Variants in PKNOX2 observed in about 807,000 individuals in gnomAD.
PKNOX2 encodes the protein homeobox protein PKNOX2.
A neutral mutation model predicts 53.1 loss-of-function variants in PKNOX2; 14 were observed. The ratio of observed to expected loss-of-function variants is 0.26; its 90% CI spans 0.17 to 0.41. PKNOX2 has a LOEUF of 0.41. PKNOX2 is among the 10% of genes least tolerant of loss of function. PKNOX2 has a pLI of 1.00. For synonymous variants in PKNOX2, 257 were observed against 242.8 expected (o/e 1.06, Z -0.54); for missense variants, 496 against 602.8 (o/e 0.82, Z 1.85).
intron 3 of PKNOX2, among the ~76,000 whole-genome samples, chr11:125,339,334 G>A (rs1950568768): frequency 6.6e-6 from 1 of 152,224 alleles, no homozygotes; most frequent in African/African-American, 2.4e-5. Flanking sequence ...ACAGGAAGGG[G>A]CTTCTTTGGC....
At chr11:125,349,226 A>G (rs1434538111) in intron 3 of PKNOX2, among the ~76,000 whole-genome samples, 1 of 151,972 alleles carries the variant, frequency 6.6e-6, no homozygotes. Flanking sequence ...AAAAGTCTAT[A>G]TCTTACCCCA....
chr11:125,322,112 A>T (rs918555796), intron 2 of PKNOX2, among the ~76,000 whole-genome samples: 12 of 152,266 alleles, frequency 7.9e-5, no homozygotes, highest in African/African-American at 2.9e-4. Context: ...CCAGCCCCTG[A>T]CCTGGCGTCC....
chr11:125,222,644 C>CATATGTGTGTGCGTGT (rs1565472865), intron 1 of PKNOX2, among the ~76,000 whole-genome samples: 2 of 129,762 alleles, frequency 1.5e-5, no homozygotes, highest in African/African-American at 6.0e-5. Flanking sequence ...TATGTGTGTG[C>CATATGTGTGTGCGTGT]GTATGTGTGT....
intron 2 of PKNOX2, among the ~76,000 whole-genome samples, chr11:125,273,283 C>G (rs1565485142): frequency 6.6e-6 from 1 of 152,194 alleles, no homozygotes; most frequent in Non-Finnish European, 1.5e-5. Context: ...TGAATGAAGG[C>G]TCAGCAAACA....
chr11:125,178,879 T>C (rs1381900770), intron 1 of PKNOX2, among the ~76,000 whole-genome samples: 1 of 152,108 alleles, frequency 6.6e-6, no homozygotes, highest in Non-Finnish European at 1.5e-5. Context: ...CTCCTGAGCC[T>C]CAGTTCTCTT....
At chr11:125,377,668 G>A (rs1952921696) in intron 5 of PKNOX2, among the ~76,000 whole-genome samples, 1 of 152,162 alleles carries the variant, frequency 6.6e-6, no homozygotes, top group Non-Finnish European at 1.5e-5. Flanking sequence ...CCAATCTTTT[G>A]GCTTCCTTGA....
chr11:125,337,272 T>C (rs1485435420), intron 3 of PKNOX2, among the ~76,000 whole-genome samples: 3 of 152,162 alleles, frequency 2.0e-5, no homozygotes, highest in African/African-American at 7.2e-5. Flanking sequence ...CCCTGTGGTG[T>C]CATGACTGGT....
chr11:125,248,791 G>C (rs1943756139), intron 2 of PKNOX2, among the ~76,000 whole-genome samples: 3 of 146,964 alleles, frequency 2.0e-5, no homozygotes, highest in Non-Finnish European at 4.5e-5. Context: ...TATATGATGG[G>C]TCTCACTATG....
At chr11:125,226,880 C>T (rs1941742315) in intron 1 of PKNOX2, among the ~76,000 whole-genome samples, 1 of 151,658 alleles carries the variant, frequency 6.6e-6, no homozygotes, top group South Asian at 2.1e-4. Context: ...CTCAGGAACA[C>T]AGTCCCTCCT....
intron 5 of PKNOX2, among the ~76,000 whole-genome samples, chr11:125,383,988 G>A (rs1813467919): frequency 6.6e-6 from 1 of 152,156 alleles, no homozygotes; most frequent in East Asian, 1.9e-4. Flanking sequence ...CATAGTTCCA[G>A]GAGCCTGGGG....
intron 2 of PKNOX2, among the ~76,000 whole-genome samples, chr11:125,316,693 T>C (rs1286552406): frequency 6.6e-6 from 1 of 152,260 alleles, no homozygotes. Flanking sequence ...AAATACTTTA[T>C]TGCTTAAAAA....
intron 2 of PKNOX2, among the ~76,000 whole-genome samples, chr11:125,320,676 GAC>G (rs929503035): frequency 6.6e-6 from 1 of 152,124 alleles, no homozygotes; most frequent in Non-Finnish European, 1.5e-5. Flanking sequence ...TCTAGCTTCG[GAC>G]CAGAGCCCTT....
At chr11:125,270,275 C>G (rs1461420646) in intron 2 of PKNOX2, among the ~76,000 whole-genome samples, 1 of 152,214 alleles carries the variant, frequency 6.6e-6, no homozygotes, top group African/African-American at 2.4e-5. Context: ...CTGGCATCGG[C>G]ATTCCTTTCT....
intron 2 of PKNOX2, among the ~76,000 whole-genome samples, chr11:125,326,055 T>A (rs561424203): frequency 6.6e-6 from 1 of 152,352 alleles, no homozygotes; most frequent in African/African-American, 2.4e-5. Flanking sequence ...ACAGGAACAG[T>A]ACTTTCCATG....
At chr11:125,200,270 G>A (rs1306220519) in intron 1 of PKNOX2, among the ~76,000 whole-genome samples, 3 of 152,136 alleles carry the variant, frequency 2.0e-5, no homozygotes, top group African/African-American at 7.2e-5. Context: ...CCCTCCCAAG[G>A]GTTAGAGGCA....
At chr11:125,270,047 C>T (rs1162837456) in intron 2 of PKNOX2, among the ~76,000 whole-genome samples, 1 of 152,200 alleles carries the variant, frequency 6.6e-6, no homozygotes, top group African/African-American at 2.4e-5. Flanking sequence ...ATCGCCTCTG[C>T]TCATTCCTTT....
chr11:125,182,073 T>A (rs907522358), intron 1 of PKNOX2, among the ~76,000 whole-genome samples: 16 of 152,212 alleles, frequency 1.1e-4, no homozygotes, highest in Non-Finnish European at 1.9e-4. Flanking sequence ...ACTGATAATG[T>A]CCCTCAATTA....
rs527339697 is a variant in PKNOX2, at chr11:125,360,386, A to G, written c.88-7460A>G. On this transcript the variant is annotated intron_variant, in intron 4 of 12. Coordinates refer to ENST00000298282, the MANE Select transcript of PKNOX2 (RefSeq NM_001382323.2). ...AAGGAAGCATTAGAATTGCTTAGAAACCAAGGTTTGCGGGGCATCTGCTGC... is the reference window on the plus strand; with the variant it reads ...AAGGAAGCATTAGAATTGCTTAGAAGCCAAGGTTTGCGGGGCATCTGCTGC... Among the ~76,000 whole-genome samples, 17 of 152,240 alleles carry G rather than the reference A, an allele frequency of 1.1e-4. No individual in the cohort carries two copies. The South Asian group carries it at 3.5e-3, about 32-fold the overall frequency.
intron 1 of PKNOX2, among the ~76,000 whole-genome samples, chr11:125,191,888 A>T (rs150580824): frequency 6.6e-6 from 1 of 152,202 alleles, no homozygotes; most frequent in African/African-American, 2.4e-5. Context: ...CTAAAACCAC[A>T]TTTCACCGGA....
Sources: gnomAD v4.1 joint callset for allele counts (sites outside exome capture counted in the v4.1 genomes callset) on GRCh38, gnomAD v4.1.1 for gene constraint, MANE v1.5 for transcripts, NCBI Gene and HGNC (gene_info 2026-07-23, HGNC 2026-07-21) for gene names.